The following ATP6V0A4 variants were observed in gnomAD, a reference collection of about 807,000 sequenced individuals.
ATP6V0A4 encodes V-type proton ATPase 116 kDa subunit a 4.
In ATP6V0A4, 86 loss-of-function variants were observed where a neutral mutation model predicts 107.3. The ratio of observed to expected loss-of-function variants is 0.80; its 90% CI spans 0.67 to 0.96. ATP6V0A4 has a LOEUF of 0.96. ATP6V0A4 is among the 40% of genes least tolerant of loss of function. The probability of loss-of-function intolerance (pLI) is 0.00; values close to 1 mark genes in which losing one functional copy is unlikely to be tolerated. For missense variants in ATP6V0A4, 908 were observed against 1,045.6 expected (o/e 0.87, Z 1.81); for synonymous variants, 353 against 381.4 (o/e 0.93, Z 0.87).
At chr7:138,710,634 A>C (rs993641178) in intron 20 of ATP6V0A4, among the ~76,000 whole-genome samples, 1 of 152,234 alleles carries the variant, frequency 6.6e-6, no homozygotes, top group African/African-American at 2.4e-5. Context: ...TCCTAACCAC[A>C]TTTCAAAAAA....
In ATP6V0A4 at chr7:138,734,736, C is replaced by T. The variant is rs528171079; in HGVS notation, c.1573-482G>A. ...GAGGTTGCAGTGAGCTGAGATCGCACCATTGTACTCCAGCCTGGGCGAAAG... is the reference window on the plus strand; with the variant it reads ...GAGGTTGCAGTGAGCTGAGATCGCATCATTGTACTCCAGCCTGGGCGAAAG... On this transcript the variant is annotated intron_variant, in intron 15 of 21. Coordinates refer to ENST00000310018, the MANE Select transcript of ATP6V0A4 (RefSeq NM_020632.3). Among the ~76,000 whole-genome samples the T allele has an allele frequency of 5.4e-4, 80 of 148,038 alleles. 1 individual carries two copies. Among genetic ancestry groups the T allele is most frequent in the African/African-American group, 2.0e-3 (79 of 39,654 alleles).
At chr7:138,755,652 G>A in intron 10 of ATP6V0A4, 37 bp downstream of exon 10, 3 of 1,612,128 alleles carry the variant, frequency 1.9e-6, no homozygotes, top group Non-Finnish European at 2.5e-6. Context: ...CCCTCCTGCA[G>A]CTGCCATCAG....
intron 2 of ATP6V0A4, among the ~76,000 whole-genome samples, chr7:138,785,169 T>C (rs887411721): frequency 6.6e-6 from 1 of 152,234 alleles, no homozygotes; most frequent in Non-Finnish European, 1.5e-5. Context: ...ATCTGACTTT[T>C]CTAAAAAGAG....
intron 1 of ATP6V0A4, among the ~76,000 whole-genome samples, chr7:138,792,563 A>C (rs1239671729): frequency 1.3e-5 from 2 of 152,136 alleles, no homozygotes; most frequent in Non-Finnish European, 2.9e-5. Flanking sequence ...AGATGGGAAG[A>C]GTAGAGAGCA....
Position 138,763,028 on chromosome 7 carries a change from A to G in ATP6V0A4, c.292-3T>C, listed in dbSNP as rs370441093. ...CCTTCCAGTTTTTCTAGAACAGTCT[A>G]TGCAGGAAGGAAAAAGAAGGTAAGC... On this transcript the variant is annotated splice_region_variant and splice_polypyrimidine_tract_variant and intron_variant, in intron 5 of 21. Transcript: ENST00000310018. 4 of 1,614,072 alleles carry G rather than the reference A, an allele frequency of 2.5e-6. No homozygotes were observed. The East Asian group carries it at 8.9e-5, about 36-fold the overall frequency.
intron 5 of ATP6V0A4, 88 bp downstream of exon 5, chr7:138,768,692 G>A (rs917875810): frequency 2.9e-5 from 43 of 1,494,282 alleles, no homozygotes; most frequent in East Asian, 4.7e-5. Context: ...AAACAGGTAC[G>A]GAATCTGCAA....
intron 17 of ATP6V0A4, among the ~76,000 whole-genome samples, chr7:138,730,995 G>A (rs145633022): frequency 0.011 from 1,605 of 147,352 alleles, 35 homozygotes; most frequent in African/African-American, 0.038. Flanking sequence ...GTGCAGTGGC[G>A]CAATCTTGGC....
chr7:138,731,092 C>T (rs1804990017), intron 17 of ATP6V0A4, among the ~76,000 whole-genome samples: 1 of 152,104 alleles, frequency 6.6e-6, no homozygotes, highest in Admixed American at 6.6e-5. Flanking sequence ...TGCCACCATG[C>T]CCAGCTAATT....
intron 5 of ATP6V0A4, among the ~76,000 whole-genome samples, chr7:138,767,264 T>C (rs1357971916): frequency 6.6e-6 from 1 of 152,258 alleles, no homozygotes; most frequent in African/African-American, 2.4e-5. Flanking sequence ...GGCTCACGCC[T>C]GTAATCCCAG....
At chr7:138,754,353 C>A (rs1375971037) in intron 10 of ATP6V0A4, among the ~76,000 whole-genome samples, 1 of 149,894 alleles carries the variant, frequency 6.7e-6, no homozygotes, top group Admixed American at 6.7e-5. Flanking sequence ...AAGGCTGAGG[C>A]AGGAGAATCA....
chr7:138,725,884 G>A (rs996599028), intron 18 of ATP6V0A4, among the ~76,000 whole-genome samples: 2 of 152,138 alleles, frequency 1.3e-5, no homozygotes, highest in African/African-American at 2.4e-5. Context: ...TTCATGCTGC[G>A]ATACTTCATG....
intron 8 of ATP6V0A4, among the ~76,000 whole-genome samples, chr7:138,759,133 C>G (rs1160975816): frequency 1.4e-5 from 2 of 141,624 alleles, no homozygotes; most frequent in Admixed American, 7.6e-5. Context: ...GATCATAGCT[C>G]ACTGCAGCCT....
chr7:138,709,861 C>A, intron 20 of ATP6V0A4, 66 bp from the exon 21 acceptor site: 1 of 1,540,218 alleles, frequency 6.5e-7, no homozygotes, highest in East Asian at 2.4e-5. Flanking sequence ...TGTATTTTCT[C>A]ATCTTTTTAA....
chr7:138,729,597 C>T (rs531772512), intron 17 of ATP6V0A4, among the ~76,000 whole-genome samples: 54 of 152,252 alleles, frequency 3.5e-4, no homozygotes, highest in South Asian at 3.1e-3. Context: ...TCCTCACGCC[C>T]CTGCCTCCTT....
intron 20 of ATP6V0A4, among the ~76,000 whole-genome samples, chr7:138,714,547 T>C (rs1475788396): frequency 1.5e-5 from 2 of 135,516 alleles, no homozygotes; most frequent in Non-Finnish European, 3.2e-5. Flanking sequence ...CTCTTTTAGA[T>C]AGATAGATAG....
At chr7:138,756,050 C>A in intron 9 of ATP6V0A4, 1 of 585,002 alleles carries the variant, frequency 1.7e-6, no homozygotes. Context: ...AATAAGACTG[C>A]AAGCTGGGCT....
At chr7:138,753,724 C>T (rs2117293815) in intron 10 of ATP6V0A4, among the ~76,000 whole-genome samples, 1 of 152,252 alleles carries the variant, frequency 6.6e-6, no homozygotes, top group South Asian at 2.1e-4. Context: ...TTAACGAGAG[C>T]CATGAGGCCA....
intron 17 of ATP6V0A4, among the ~76,000 whole-genome samples, chr7:138,730,632 G>A (rs533053038): frequency 1.3e-5 from 2 of 152,194 alleles, no homozygotes; most frequent in African/African-American, 4.8e-5. Context: ...TCCAGACTAA[G>A]TGAGGACTTC....
At chr7:138,737,112 A>ATTT (rs1245978445) in intron 15 of ATP6V0A4, among the ~76,000 whole-genome samples, 2 of 114,252 alleles carry the variant, frequency 1.8e-5, no homozygotes, top group African/African-American at 6.5e-5. Context: ...GTAAGCCCTT[A>ATTT]TTAATATATA....
Sources: gnomAD v4.1 joint callset for allele counts (sites outside exome capture counted in the v4.1 genomes callset) on GRCh38, gnomAD v4.1.1 for gene constraint, MANE v1.5 for transcripts, NCBI Gene and HGNC (gene_info 2026-07-23, HGNC 2026-07-21) for gene names.